The following GPR158 variants were observed in gnomAD, a reference collection of about 807,000 sequenced individuals.
GPR158 encodes G protein-coupled receptor 158.
Under a neutral mutation model 78.2 loss-of-function variants are expected in GPR158, and 30 were observed. That is an observed-to-expected ratio of 0.38 (90% CI 0.29 to 0.52). The LOEUF (loss-of-function observed/expected upper bound fraction) is 0.52. Ranked by LOEUF, GPR158 falls within the 20% of genes least tolerant of loss-of-function variation. GPR158 has a pLI of 0.83. For missense variants in GPR158, 1,463 were observed against 1,523.5 expected (o/e 0.96, Z 0.66); for synonymous variants, 581 against 591.1 (o/e 0.98, Z 0.25).
intron 2 of GPR158, among the ~76,000 whole-genome samples, chr10:25,284,794 G>T (rs1854324634): frequency 6.6e-6 from 1 of 150,920 alleles, no homozygotes. Context: ...TATTTTAGTG[G>T]TTACTGTATG....
chr10:25,333,992 G>A (rs1378710940), intron 2 of GPR158, among the ~76,000 whole-genome samples: 1 of 152,122 alleles, frequency 6.6e-6, no homozygotes, highest in African/African-American at 2.4e-5. Flanking sequence ...ACCAGATATT[G>A]CTTTATTTTG....
intron 5 of GPR158, among the ~76,000 whole-genome samples, chr10:25,532,378 T>C (rs908734746): frequency 9.2e-5 from 14 of 152,206 alleles, no homozygotes; most frequent in African/African-American, 3.1e-4. Context: ...AAAAAGCTTT[T>C]GCCTCTATCA....
chr10:25,244,230 C>G (rs1274205212), intron 2 of GPR158: 1 of 152,190 alleles, frequency 6.6e-6, no homozygotes, highest in Non-Finnish European at 1.5e-5. Flanking sequence ...ACTCTCTCAT[C>G]CTTCATGTAT....
chr10:25,175,459 G>A lies in GPR158; in HGVS notation c.39G>A (p.Leu13=), dbSNP rs530580826. ...AMAYPLLLCL[L]LAQLGLGAVG... ...CTTACCCCTTACTCCTCTGCCTCCTGCTTGCTCAGCTGGGATTGGGAGCTG... is the reference window on the plus strand; with the variant it reads ...CTTACCCCTTACTCCTCTGCCTCCTACTTGCTCAGCTGGGATTGGGAGCTG... Residue 13 remains leucine, a synonymous_variant, in exon 1 of 11, where the codon CTG becomes CTA. Transcript: ENST00000376351. The surrounding 1 kb of genome is among the most constrained non-coding windows in gnomAD (Gnocchi z 6.4). The A allele has an allele frequency of 2.7e-5, 43 of 1,604,438 alleles. No homozygotes were observed. In the African/African-American group the frequency reaches 3.9e-4, roughly 14 times the overall value.
intron 2 of GPR158, among the ~76,000 whole-genome samples, chr10:25,257,691 C>T (rs992926449): frequency 1.3e-5 from 2 of 152,188 alleles, no homozygotes; most frequent in African/African-American, 4.8e-5. Context: ...ATTCTGCTTA[C>T]TAAATATAAG....
At chr10:25,560,289 G>A (rs976994003) in intron 6 of GPR158, among the ~76,000 whole-genome samples, 6 of 151,816 alleles carry the variant, frequency 4.0e-5, no homozygotes, top group South Asian at 2.1e-4. Context: ...TTTTTGAGAC[G>A]GAGTCTCGCT....
chr10:25,582,741 T>C (rs1471987044), intron 7 of GPR158, among the ~76,000 whole-genome samples: 2 of 152,142 alleles, frequency 1.3e-5, no homozygotes, highest in African/African-American at 4.8e-5. Flanking sequence ...AGTTCTACAA[T>C]AAAACCTTCA....
chr10:25,294,260 A>T (rs1425208366), intron 2 of GPR158, among the ~76,000 whole-genome samples: 1 of 152,162 alleles, frequency 6.6e-6, no homozygotes, highest in Non-Finnish European at 1.5e-5. Flanking sequence ...TTCAAATAAA[A>T]CATCTTTAGT....
rs34451547 is a variant in GPR158, at chr10:25,314,905, TACACACACAC to T, written c.1009-80990_1009-80981del. ...TATATATGACTAATGAGTTTACACA[TACACACACAC>T]ACACACACACACACAGTTCAGGAGG... On this transcript the variant is annotated intron_variant, in intron 2 of 10. Transcript: ENST00000376351. 6.6e-5 allele frequency among the ~76,000 whole-genome samples: 9 copies of T among 137,372 alleles called. 1 individual carries two copies. Among genetic ancestry groups the T allele is most frequent in the African/African-American group, 1.7e-4 (6 of 35,448 alleles). The allele number at this position is 137,372 out of a possible 152,430, so 90.1% of individuals were successfully genotyped here. A position where few individuals can be genotyped will look rare whatever the true frequency, so the allele number is the denominator to read the frequency against.
intron 2 of GPR158, among the ~76,000 whole-genome samples, chr10:25,258,363 A>G (rs922312320): frequency 2.0e-5 from 3 of 152,204 alleles, no homozygotes; most frequent in African/African-American, 7.2e-5. Context: ...TGACGTAAAT[A>G]TCTTACCCCT....
intron 2 of GPR158, chr10:25,393,520 G>T (rs1834330212): frequency 6.6e-6 from 1 of 152,128 alleles, no homozygotes; most frequent in South Asian, 2.1e-4. Flanking sequence ...CCATTGAATT[G>T]CTCCTCTCAG....
intron 1 of GPR158, among the ~76,000 whole-genome samples, chr10:25,209,665 G>C (rs1258436393): frequency 6.6e-6 from 1 of 151,992 alleles, no homozygotes; most frequent in Non-Finnish European, 1.5e-5. Flanking sequence ...TTAATCTTTG[G>C]CTCCAAAATC....
At chr10:25,252,213 T>C (rs1588759281) in intron 2 of GPR158, among the ~76,000 whole-genome samples, 2 of 150,600 alleles carry the variant, frequency 1.3e-5, no homozygotes, top group Non-Finnish European at 3.0e-5. Context: ...TTATACATTC[T>C]TCTAAATTTT....
intron 1 of GPR158, among the ~76,000 whole-genome samples, chr10:25,185,374 A>C (rs1852668544): frequency 6.6e-6 from 1 of 152,234 alleles, no homozygotes; most frequent in South Asian, 2.1e-4. Context: ...ATTTTGATAG[A>C]TCAATGAAAT....
At chr10:25,579,161 T>C (rs1245172780) in intron 7 of GPR158, among the ~76,000 whole-genome samples, 1 of 152,152 alleles carries the variant, frequency 6.6e-6, no homozygotes, top group Non-Finnish European at 1.5e-5. Context: ...ATTTTTTTTT[T>C]TTTTCTAAAT....
At chr10:25,477,254 G>A (rs774062507) in intron 5 of GPR158, among the ~76,000 whole-genome samples, 1 of 151,972 alleles carries the variant, frequency 6.6e-6, no homozygotes, top group Non-Finnish European at 1.5e-5. Flanking sequence ...AAGTGGAGAG[G>A]GAGAATGAGA....
intron 2 of GPR158, among the ~76,000 whole-genome samples, chr10:25,241,966 C>T (rs1340430778): frequency 6.6e-6 from 1 of 152,154 alleles, no homozygotes; most frequent in Non-Finnish European, 1.5e-5. Flanking sequence ...AGTTGAGCAC[C>T]TATTCCCCGT....
intron 2 of GPR158, among the ~76,000 whole-genome samples, chr10:25,290,398 T>C (rs1854418204): frequency 6.6e-6 from 1 of 152,170 alleles, no homozygotes; most frequent in African/African-American, 2.4e-5. Context: ...TAATGACATA[T>C]GTAATATAAT....
chr10:25,241,127 T>TTC (rs60774917), intron 2 of GPR158, among the ~76,000 whole-genome samples: 1,168 of 22,174 alleles, frequency 0.053, 41 homozygotes, highest in African/African-American at 0.11. Context: ...TACTTTGATT[T>TTC]TCTTTCTTTC....
Sources: gnomAD v4.1 joint callset for allele counts (sites outside exome capture counted in the v4.1 genomes callset) on GRCh38, gnomAD v4.1.1 for gene constraint, Gnocchi (gnomAD v3.1) non-coding constraint, MANE v1.5 for transcripts, NCBI Gene and HGNC (gene_info 2026-07-23, HGNC 2026-07-21) for gene names.